The following SCML2 variants were observed in gnomAD, a reference collection of about 807,000 sequenced individuals.
SCML2 encodes sex comb on midleg-like protein 2.
A neutral mutation model predicts 48.4 loss-of-function variants in SCML2; 6 were observed. The observed-to-expected ratio is 0.12, with a 90% CI of 0.07 to 0.24. The LOEUF is 0.24. SCML2 is among the 10% of genes least tolerant of loss of function. SCML2 has a pLI of 1.00. For synonymous variants in SCML2, 181 were observed against 189.5 expected, an observed-to-expected ratio of 0.95 and a Z score of 0.37; for missense variants, 377 against 528.2, an observed-to-expected ratio of 0.71 and a Z score of 2.81.
At chrX:18,339,558 A>G (rs1343525669) in intron 1 of SCML2, among the ~76,000 whole-genome samples, 1 of 110,851 alleles carries the variant, frequency 9.0e-6, no homozygotes, top group African/African-American at 3.3e-5. Flanking sequence ...AAAATAAAAT[A>G]AAATAATTAG....
chrX:18,354,614 A>G lies in SCML2; in HGVS notation c.-47T>C, dbSNP rs1405706889. ...TACCTCCAGTCTCGTCGGTGAAAAC[A>G]ACGAAATTCTGTCCCACCGATCGCG... On this transcript the variant is annotated 5_prime_UTR_variant, in exon 1 of 15. Transcript: ENST00000251900. 2 of 282,809 alleles carry G rather than the reference A, an allele frequency of 7.1e-6. No homozygotes were observed. The allele number at this position is 282,809 out of a possible 1,213,427, so 23.3% of individuals were successfully genotyped here. A position where few individuals can be genotyped will look rare whatever the true frequency, so the allele number is the denominator to read the frequency against.
intron 7 of SCML2, among the ~76,000 whole-genome samples, chrX:18,276,491 T>G (rs1026298837): frequency 9.0e-6 from 1 of 110,725 alleles, no homozygotes; most frequent in African/African-American, 3.3e-5. Context: ...TTGACATACA[T>G]ACATACGTAT....
At position 18,354,641 on chromosome X, in the gene SCML2, G is replaced by C. The variant is rs1383112039; in HGVS notation, c.-74C>G. The stretch of plus-strand genomic sequence containing the variant: ...CGAAATTCTGTCCCACCGATCGCGC[G>C]AGCCGGCACCGAGCTTCACACCGCC... On this transcript the variant is annotated 5_prime_UTR_variant, in exon 1 of 15. Transcript: ENST00000251900. 3.5e-6 allele frequency: 1 copy of C among 287,830 alleles called. No homozygotes were observed. Among genetic ancestry groups the C allele is most frequent in the Admixed American group, 6.2e-5 (1 of 16,060 alleles). 23.7% of individuals were successfully genotyped at this position (287,830 alleles called of 1,213,427 possible).
chrX:18,324,154 G>A, intron 4 of SCML2, 61 bp from the exon 5 acceptor site: 1 of 704,108 alleles, frequency 1.4e-6, no homozygotes, highest in South Asian at 2.6e-5. Flanking sequence ...CACATGGACA[G>A]CTATGTCACC....
In SCML2 at chrX:18,264,431, TTGTGTGTGTGTGTGTGTGTGTG is replaced by T. The variant is rs149069692; in HGVS notation, c.948+1132_948+1153del. ...AAGATGGTCTTTTTAATCAGTACGA[TTGTGTGTGTGTGTGTGTGTGTG>T]TGTGTGTGTGTGTGTGTGTGTGTGT... On this transcript the variant is annotated intron_variant, in intron 8 of 14. Transcript: ENST00000251900. 6.0e-5 allele frequency among the ~76,000 whole-genome samples: 5 copies of T among 83,926 alleles called. No individual in the cohort carries two copies. In the Admixed American group the frequency reaches 7.0e-4, roughly 12 times the overall value. 72.9% of individuals were successfully genotyped at this position (83,926 alleles called of 115,157 possible). A position where few individuals can be genotyped will look rare whatever the true frequency, so the allele number is the denominator to read the frequency against.
chrX:18,278,958 C>G (rs763959528), intron 7 of SCML2, among the ~76,000 whole-genome samples: 1 of 112,855 alleles, frequency 8.9e-6, no homozygotes, highest in South Asian at 3.6e-4. Flanking sequence ...GCAGGGTGTG[C>G]CTCCCTCGGA....
intron 4 of SCML2, 125 bp downstream of exon 4, chrX:18,324,782 G>A (rs1929427785): frequency 2.1e-6 from 1 of 466,857 alleles, no homozygotes; most frequent in Non-Finnish European, 3.8e-6. Flanking sequence ...GAGACCATCT[G>A]GCTCTTAAGA....
intron 6 of SCML2, among the ~76,000 whole-genome samples, chrX:18,313,594 A>G (rs1230893564): frequency 9.0e-6 from 1 of 111,613 alleles, no homozygotes; most frequent in Non-Finnish European, 1.9e-5. Context: ...TGCTTATTAC[A>G]TGTAGTGACA....
intron 1 of SCML2, among the ~76,000 whole-genome samples, chrX:18,344,971 C>T (rs1390679666): frequency 9.0e-6 from 1 of 111,248 alleles, no homozygotes; most frequent in African/African-American, 3.3e-5. Flanking sequence ...TTAATGAATG[C>T]CTGGTACCCT....
intron 8 of SCML2, among the ~76,000 whole-genome samples, chrX:18,261,794 T>C (rs189201112): frequency 1.8e-3 from 198 of 109,065 alleles, no homozygotes; most frequent in Non-Finnish European, 1.8e-3. Context: ...TATACACACA[T>C]GTTAATTTTT....
chrX:18,315,101 CAAAAA>C (rs761378739), intron 6 of SCML2, among the ~76,000 whole-genome samples: 13 of 23,439 alleles, frequency 5.5e-4, no homozygotes, highest in Non-Finnish European at 9.9e-4. Flanking sequence ...TCTGTCTCAC[CAAAAA>C]AAAAAAAAAA....
intron 1 of SCML2, among the ~76,000 whole-genome samples, chrX:18,347,373 A>C (rs1308332394): frequency 9.2e-6 from 1 of 108,257 alleles, no homozygotes; most frequent in Non-Finnish European, 1.9e-5. Context: ...TGAATCTGGG[A>C]GGGGGAGGTT....
chrX:18,277,790 C>A (rs756326771), intron 7 of SCML2, among the ~76,000 whole-genome samples: 24 of 111,174 alleles, frequency 2.2e-4, no homozygotes, highest in African/African-American at 7.2e-4. Context: ...AAACAAATAT[C>A]GACATGCCCT....
At chrX:18,343,202 T>A (rs1403449576) in intron 1 of SCML2, among the ~76,000 whole-genome samples, 8 of 108,221 alleles carry the variant, frequency 7.4e-5, no homozygotes, top group Non-Finnish European at 1.5e-4. Context: ...GTTTTTAAGA[T>A]AAGGTAAGCT....
chrX:18,293,063 G>A (rs1928284649), intron 7 of SCML2, among the ~76,000 whole-genome samples: 3 of 111,542 alleles, frequency 2.7e-5, no homozygotes, highest in South Asian at 3.6e-4. Flanking sequence ...CACTGCTTGC[G>A]ATAGTTGTAT....
At chrX:18,326,744 A>G (rs756169519) in intron 3 of SCML2, among the ~76,000 whole-genome samples, 51 of 109,648 alleles carry the variant, frequency 4.7e-4, no homozygotes, top group Non-Finnish European at 8.7e-4. Context: ...GTATGGCTCT[A>G]CCTCTTACTA....
At chrX:18,283,672 C>T (rs1392055631) in intron 7 of SCML2, among the ~76,000 whole-genome samples, 1 of 111,942 alleles carries the variant, frequency 8.9e-6, no homozygotes, top group African/African-American at 3.2e-5. Flanking sequence ...AAATCAAGAA[C>T]ACAATCCCAT....
At chrX:18,284,955 G>A (rs925225349) in intron 7 of SCML2, among the ~76,000 whole-genome samples, 1 of 109,277 alleles carries the variant, frequency 9.2e-6, no homozygotes, top group Non-Finnish European at 1.9e-5. Flanking sequence ...CAGGAGAATC[G>A]CTTGAACCTG....
chrX:18,304,893 C>T (rs201433397), intron 7 of SCML2, 79 bp downstream of exon 7: 110 of 1,098,298 alleles, frequency 1.0e-4, no homozygotes, highest in Non-Finnish European at 1.3e-4. Flanking sequence ...GTACCACCAA[C>T]GCTAATCACA....
Sources: allele counts gnomAD v4.1 joint callset (sites outside exome capture counted in the v4.1 genomes callset), GRCh38; gene constraint gnomAD v4.1.1; transcripts MANE v1.5; gene names NCBI Gene and HGNC (gene_info 2026-07-23, HGNC 2026-07-21).